Variants in MAP2K1 observed in about 807,000 individuals in gnomAD.
MAP2K1 encodes the protein dual specificity mitogen-activated protein kinase kinase 1.
MAP2K1 carries 16 observed loss-of-function variants against 46.3 expected under a neutral mutation model. That is an observed-to-expected ratio of 0.35 (90% CI 0.23 to 0.52). MAP2K1 has a LOEUF of 0.52. MAP2K1 is among the 20% of genes least tolerant of loss of function. MAP2K1 has a pLI of 0.94. For missense variants in MAP2K1, 263 were observed against 497.1 expected (o/e 0.53, Z 4.48); for synonymous variants, 183 against 185.6 (o/e 0.99, Z 0.11).
Position 66,443,052 on chromosome 15 carries a change from C to T in MAP2K1, c.439-228C>T, listed in dbSNP as rs868147371. Among the ~76,000 whole-genome samples the T allele has an allele frequency of 6.6e-5, 10 of 150,860 alleles. No individual in the cohort carries two copies. In the South Asian group the frequency reaches 1.5e-3, roughly 22 times the overall value. On this transcript the variant is annotated intron_variant, in intron 3 of 10. Coordinates refer to ENST00000307102, the MANE Select transcript of MAP2K1 (RefSeq NM_002755.4). ...TTCAGCTGTCCTGAAGTTCTCTGAA[C>T]GCAGCCTTCTGGGGTTTTTTTGTGT... is the stretch of plus-strand genomic sequence containing the variant.
chr15:66,476,750 G>T (rs781234030), intron 5 of MAP2K1, among the ~76,000 whole-genome samples: 1 of 152,234 alleles, frequency 6.6e-6, no homozygotes, highest in Non-Finnish European at 1.5e-5. Context: ...AGGAGTGCTG[G>T]TTTCTGTGTA....
At chr15:66,419,342 A>C (rs1162478139) in intron 1 of MAP2K1, among the ~76,000 whole-genome samples, 1 of 151,926 alleles carries the variant, frequency 6.6e-6, no homozygotes, top group Non-Finnish European at 1.5e-5. Flanking sequence ...CAACATGGCA[A>C]AACCCCGTCT....
chr15:66,398,228 G>A (rs2094050531), intron 1 of MAP2K1, among the ~76,000 whole-genome samples: 1 of 151,756 alleles, frequency 6.6e-6, no homozygotes, highest in Non-Finnish European at 1.5e-5. Context: ...ACCAGCCTGG[G>A]CAACATGGTG....
intron 5 of MAP2K1, among the ~76,000 whole-genome samples, chr15:66,445,738 T>G (rs1049288333): frequency 1.3e-5 from 2 of 152,232 alleles, no homozygotes; most frequent in African/African-American, 4.8e-5. Flanking sequence ...CCAAGCTGTT[T>G]CCATTTATGT....
intron 1 of MAP2K1, 101 bp from the exon 2 acceptor site, chr15:66,434,926 G>C (rs962421997): frequency 2.3e-6 from 2 of 856,208 alleles, no homozygotes; most frequent in Non-Finnish European, 2.0e-6. Context: ...TTGATTATCT[G>C]TCTGGCCCCA....
At chr15:66,480,173 C>T (rs1892880100) in intron 5 of MAP2K1, among the ~76,000 whole-genome samples, 1 of 152,118 alleles carries the variant, frequency 6.6e-6, no homozygotes, top group Non-Finnish European at 1.5e-5. Flanking sequence ...ACCACAACCT[C>T]CTCCTCCCAG....
At chr15:66,388,463 T>C (rs1259970500) in intron 1 of MAP2K1, among the ~76,000 whole-genome samples, 13 of 152,244 alleles carry the variant, frequency 8.5e-5, no homozygotes, top group African/African-American at 2.9e-4. Flanking sequence ...AGGAAGCTAA[T>C]TGATGAAATC....
At chr15:66,428,873 A>C (rs935220113) in intron 1 of MAP2K1, among the ~76,000 whole-genome samples, 1 of 133,842 alleles carries the variant, frequency 7.5e-6, no homozygotes, top group Non-Finnish European at 1.5e-5. Context: ...TCCGCCTCCC[A>C]GGCTCTGGTA....
intron 1 of MAP2K1, among the ~76,000 whole-genome samples, chr15:66,388,247 G>T (rs1346602089): frequency 1.3e-5 from 2 of 152,166 alleles, no homozygotes; most frequent in African/African-American, 4.8e-5. Flanking sequence ...TCATGAGTCT[G>T]TTTCCTGGGG....
At chr15:66,434,472 G>A (rs62010197) in intron 1 of MAP2K1, among the ~76,000 whole-genome samples, 8,564 of 152,248 alleles carry the variant, frequency 0.056, 348 homozygotes, top group Middle Eastern at 0.11. Flanking sequence ...TATATACATT[G>A]AGTAAAAATA....
At chr15:66,490,361 T>A in intron 10 of MAP2K1, 141 bp from the exon 11 acceptor site, 1 of 755,322 alleles carries the variant, frequency 1.3e-6, no homozygotes, top group Non-Finnish European at 2.4e-6. Flanking sequence ...CTGGCCCCAC[T>A]GTTGCTCAGG....
chr15:66,483,905 G>A (rs777101277), intron 6 of MAP2K1, among the ~76,000 whole-genome samples: 13 of 151,566 alleles, frequency 8.6e-5, no homozygotes, highest in African/African-American at 2.4e-4. Flanking sequence ...GTGCCACCAC[G>A]CCCGGCTAAT....
chr15:66,434,363 G>T (rs892559472), intron 1 of MAP2K1, among the ~76,000 whole-genome samples: 3 of 152,212 alleles, frequency 2.0e-5, no homozygotes, highest in Admixed American at 2.0e-4. Context: ...TGGTCCATGT[G>T]CGAAGGATGA....
At chr15:66,440,014 A>G (rs1482861849) in intron 3 of MAP2K1, among the ~76,000 whole-genome samples, 1 of 151,928 alleles carries the variant, frequency 6.6e-6, no homozygotes, top group East Asian at 1.9e-4. Context: ...CCTAGATTCT[A>G]CAACTTATGT....
chr15:66,433,028 A>G (rs1042432270), intron 1 of MAP2K1, among the ~76,000 whole-genome samples: 1 of 139,634 alleles, frequency 7.2e-6, no homozygotes, highest in South Asian at 2.3e-4. Flanking sequence ...CTGCATTTCT[A>G]GCTGGCCTGC....
intron 5 of MAP2K1, among the ~76,000 whole-genome samples, chr15:66,462,518 A>T (rs978351105): frequency 6.2e-5 from 9 of 146,174 alleles, no homozygotes; most frequent in African/African-American, 2.1e-4. Context: ...AAAAAAAAAG[A>T]TTGGTAAAAA....
chr15:66,480,176 C>T (rs1338641969), intron 5 of MAP2K1, among the ~76,000 whole-genome samples: 1 of 152,084 alleles, frequency 6.6e-6, no homozygotes, highest in Non-Finnish European at 1.5e-5. Context: ...ACAACCTCCT[C>T]CTCCCAGGTT....
intron 1 of MAP2K1, among the ~76,000 whole-genome samples, chr15:66,412,659 A>G (rs1044760586): frequency 6.6e-6 from 1 of 152,246 alleles, no homozygotes; most frequent in Non-Finnish European, 1.5e-5. Flanking sequence ...AGATATTTAA[A>G]TATTAAAACA....
chr15:66,420,767 G>A (rs774128598), intron 1 of MAP2K1, among the ~76,000 whole-genome samples: 386 of 35,254 alleles, frequency 0.011, 34 homozygotes, highest in African/African-American at 0.031. Context: ...GTGTATGTGT[G>A]TATATATATG....
Sources: allele counts gnomAD v4.1 joint callset (sites outside exome capture counted in the v4.1 genomes callset), GRCh38; gene constraint gnomAD v4.1.1; transcripts MANE v1.5; gene names NCBI Gene and HGNC (gene_info 2026-07-23, HGNC 2026-07-21).